TSGA10: variants seen among roughly 807,000 people sequenced by gnomAD.
TSGA10 encodes testis specific 10.
In TSGA10, 43 loss-of-function variants were observed where a neutral mutation model predicts 96.6. That is an observed-to-expected ratio of 0.44 (90% CI 0.35 to 0.57). TSGA10 has a LOEUF of 0.57. Ranked by LOEUF, TSGA10 falls within the 20% of genes least tolerant of loss-of-function variation. TSGA10 has a pLI of 0.01. For synonymous variants in TSGA10, 229 were observed against 269.9 expected, an observed-to-expected ratio of 0.85 and a Z score of 1.48; for missense variants, 703 against 834.4, an observed-to-expected ratio of 0.84 and a Z score of 1.94.
At chr2:99,084,179 T>C (rs1485413711) in intron 10 of TSGA10, among the ~76,000 whole-genome samples, 3 of 152,232 alleles carry the variant, frequency 2.0e-5, no homozygotes, top group Non-Finnish European at 4.4e-5. Context: ...ATCACTATTG[T>C]TTTTTAAAGC....
chr2:99,088,835 A>G (rs2088903749), intron 10 of TSGA10, among the ~76,000 whole-genome samples: 1 of 152,220 alleles, frequency 6.6e-6, no homozygotes, highest in Non-Finnish European at 1.5e-5. Flanking sequence ...TATCTATACT[A>G]TGGACTACTA....
intron 1 of TSGA10, among the ~76,000 whole-genome samples, chr2:99,139,829 T>G (rs957722656): frequency 6.6e-6 from 1 of 152,140 alleles, no homozygotes; most frequent in African/African-American, 2.4e-5. Context: ...ATGTGAAACA[T>G]TAAGGAAAAT....
intron 16 of TSGA10, among the ~76,000 whole-genome samples, chr2:99,038,771 T>C (rs948236947): frequency 1.3e-4 from 20 of 152,286 alleles, no homozygotes; most frequent in Admixed American, 1.3e-4. Context: ...ACTTAAACTA[T>C]ACCCTAGAAC....
chr2:99,073,213 C>T (rs2086191271), intron 12 of TSGA10, 140 bp from the exon 13 acceptor site: 1 of 577,600 alleles, frequency 1.7e-6, no homozygotes, highest in African/African-American at 1.9e-5. Context: ...TTCTTTTCCA[C>T]ACTTTAAAGC....
intron 17 of TSGA10, among the ~76,000 whole-genome samples, chr2:99,029,926 T>C (rs142031683): frequency 3.9e-5 from 6 of 152,308 alleles, no homozygotes; most frequent in Non-Finnish European, 8.8e-5. Context: ...CAGAAAATAA[T>C]AAAACTGTTC....
In TSGA10 at chr2:99,154,912, CCTT is replaced by C. The variant is rs1423604225; in HGVS notation, c.-843_-841del. The C allele has an allele frequency of 4.8e-5, 21 of 434,918 alleles. No homozygotes were observed. In the East Asian group the frequency reaches 1.4e-3, roughly 29 times the overall value. 26.9% of individuals were successfully genotyped at this position (434,918 alleles called of 1,614,324 possible). ...CTAGGCGCGATCCCTGCGCGCCCCT[CCTT>C]CTCTTGCGCTTCAGGGGGCCGGCCC... On this transcript the variant is annotated 5_prime_UTR_variant, in exon 1 of 21. Transcript: ENST00000393483.
Position 99,001,639 on chromosome 2 carries a change from C to T in TSGA10, c.2073-3418G>A, listed in dbSNP as rs551377532. Among the ~76,000 whole-genome samples the T allele has an allele frequency of 3.6e-4, 55 of 152,238 alleles. 1 individual carries two copies. Among genetic ancestry groups the T allele is most frequent in the South Asian group, 2.9e-3 (14 of 4,818 alleles). ...AAAACTGGACAGAGAATGACTTTAA[C>T]GAGTTGACAGAAGTAGACTTCAGAG... is the stretch of plus-strand genomic sequence containing the variant. On this transcript the variant is annotated intron_variant, in intron 20 of 20. Transcript: ENST00000393483.
At chr2:99,102,124 G>T in intron 10 of TSGA10, 1 of 1,453,298 alleles carries the variant, frequency 6.9e-7, no homozygotes, top group Non-Finnish European at 9.7e-7. Context: ...GAGTTAGATA[G>T]GGGTTACAAA....
At chr2:99,145,548 ACT>A (rs915144966) in intron 1 of TSGA10, among the ~76,000 whole-genome samples, 5 of 138,054 alleles carry the variant, frequency 3.6e-5, no homozygotes, top group African/African-American at 1.1e-4. Flanking sequence ...ACAGAGTGAG[ACT>A]CTGTCCCAAA....
chr2:99,118,671 A>C lies in TSGA10; in HGVS notation c.-476T>G, dbSNP rs2092411963. On this transcript the variant is annotated 5_prime_UTR_variant, in exon 3 of 21. Transcript: ENST00000393483. Reference sequence around the variant, plus strand: ...TGAAGAAAAGGGCCTTTTCTATCACAAAGGTATCCAAATGCCTTTAAAGGA... The same window carrying C: ...TGAAGAAAAGGGCCTTTTCTATCACCAAGGTATCCAAATGCCTTTAAAGGA... 1 of 984,918 alleles carries C rather than the reference A, an allele frequency of 1.0e-6. No homozygotes were observed. The highest frequency in any genetic ancestry group is 1.7e-5 in the African/African-American group (1 of 57,156). The allele number at this position is 984,918 out of a possible 1,614,324, so 61.0% of individuals were successfully genotyped here.
intron 1 of TSGA10, chr2:99,141,065 C>T (rs1168705081): frequency 1.6e-6 from 2 of 1,278,008 alleles, no homozygotes; most frequent in Non-Finnish European, 2.0e-6. Flanking sequence ...CCACCCCGCG[C>T]ACCTCCGCAG....
chr2:99,120,344 T>C (rs982744883), intron 2 of TSGA10, among the ~76,000 whole-genome samples: 3 of 152,276 alleles, frequency 2.0e-5, no homozygotes, highest in East Asian at 1.9e-4. Context: ...ACAAAGGATA[T>C]GGGCTCTGGA....
chr2:99,131,766 T>C lies in TSGA10; in HGVS notation c.-620-4590A>G, dbSNP rs367668213. Among the ~76,000 whole-genome samples, 26 of 152,314 alleles carry C rather than the reference T, an allele frequency of 1.7e-4. No individual in the cohort carries two copies. In the South Asian group the frequency reaches 1.9e-3, roughly 11 times the overall value. Reference sequence around the variant, plus strand: ...ATATTGGCTACAGGTTTCTCATAAATAGCTCTTATTATTTTGAGATACATT... The same window carrying C: ...ATATTGGCTACAGGTTTCTCATAAACAGCTCTTATTATTTTGAGATACATT... On this transcript the variant is annotated intron_variant, in intron 1 of 20. Coordinates refer to ENST00000393483, the MANE Select transcript of TSGA10 (RefSeq NM_025244.4).
At chr2:99,110,466 CATT>C (rs2091700845) in intron 5 of TSGA10, among the ~76,000 whole-genome samples, 1 of 152,036 alleles carries the variant, frequency 6.6e-6, no homozygotes, top group Admixed American at 6.5e-5. Flanking sequence ...ATAAATAAAA[CATT>C]GTTTGGAATT....
intron 1 of TSGA10, chr2:99,150,555 C>T: frequency 1.2e-6 from 2 of 1,612,468 alleles, no homozygotes; most frequent in Non-Finnish European, 1.7e-6. Flanking sequence ...GTTCAGCTAT[C>T]CTAATGGGAT....
At chr2:99,082,001 G>T (rs2104600446) in intron 10 of TSGA10, among the ~76,000 whole-genome samples, 1 of 152,268 alleles carries the variant, frequency 6.6e-6, no homozygotes, top group East Asian at 1.9e-4. Context: ...CCCTTAGCTG[G>T]GAAAGCCGGA....
intron 20 of TSGA10, among the ~76,000 whole-genome samples, chr2:99,005,563 T>C (rs1157130309): frequency 1.3e-5 from 2 of 151,948 alleles, no homozygotes; most frequent in Non-Finnish European, 2.9e-5. Context: ...GAGAATAAAA[T>C]ACCTAGGAAT....
intron 20 of TSGA10, among the ~76,000 whole-genome samples, chr2:99,009,587 A>G (rs1333307183): frequency 6.6e-6 from 1 of 151,472 alleles, no homozygotes; most frequent in East Asian, 1.9e-4. Flanking sequence ...AAAAAAAAAA[A>G]AAAAAAAAAA....
chr2:99,153,302 T>C (rs773946066), intron 1 of TSGA10, among the ~76,000 whole-genome samples: 3 of 152,100 alleles, frequency 2.0e-5, no homozygotes, highest in Admixed American at 6.5e-5. Context: ...AAACAATGAA[T>C]GGGAAGTGAG....
Sources: gnomAD v4.1 joint callset for allele counts (sites outside exome capture counted in the v4.1 genomes callset) on GRCh38, gnomAD v4.1.1 for gene constraint, MANE v1.5 for transcripts, NCBI Gene and HGNC (gene_info 2026-07-23, HGNC 2026-07-21) for gene names.